ARHGAP28: variants seen among roughly 807,000 people sequenced by gnomAD.
ARHGAP28 encodes the protein Rho GTPase activating protein 28.
In ARHGAP28, 56 loss-of-function variants were observed where a neutral mutation model predicts 90.7. The observed-to-expected ratio is 0.62, with a 90% CI of 0.50 to 0.77. The LOEUF (loss-of-function observed/expected upper bound fraction) is 0.77. Among genes scored for constraint, ARHGAP28 ranks in the 30% least tolerant of loss-of-function variants. ARHGAP28 has a pLI of 0.00. For synonymous variants in ARHGAP28, 308 were observed against 323.3 expected, an observed-to-expected ratio of 0.95 and a Z score of 0.51; for missense variants, 869 against 900.9, an observed-to-expected ratio of 0.96 and a Z score of 0.45.
At chr18:6,851,420 G>A (rs568808195) in intron 4 of ARHGAP28, among the ~76,000 whole-genome samples, 1 of 152,260 alleles carries the variant, frequency 6.6e-6, no homozygotes, top group East Asian at 1.9e-4. Flanking sequence ...AACTTAAAAA[G>A]ACTGACAATA....
chr18:6,808,897 G>A (rs990178042), intron 1 of ARHGAP28, among the ~76,000 whole-genome samples: 1 of 152,202 alleles, frequency 6.6e-6, no homozygotes. Context: ...TTCAACTCAT[G>A]CAGCCCTGAT....
intron 5 of ARHGAP28, among the ~76,000 whole-genome samples, chr18:6,860,456 A>G (rs2056988668): frequency 6.6e-6 from 1 of 152,036 alleles, no homozygotes; most frequent in African/African-American, 2.4e-5. Context: ...GCGAATCCCC[A>G]TTCATTGTCT....
intron 1 of ARHGAP28, among the ~76,000 whole-genome samples, chr18:6,816,869 C>T (rs2056594478): frequency 6.6e-6 from 1 of 152,066 alleles, no homozygotes; most frequent in African/African-American, 2.4e-5. Context: ...AGGAGAGTCG[C>T]TTGAGCTCAG....
At chr18:6,798,039 A>G (rs2056454685) in intron 1 of ARHGAP28, among the ~76,000 whole-genome samples, 1 of 148,202 alleles carries the variant, frequency 6.7e-6, no homozygotes, top group Non-Finnish European at 1.5e-5. Context: ...TTATTTTAAT[A>G]AAATTCAGTT....
intron 1 of ARHGAP28, among the ~76,000 whole-genome samples, chr18:6,800,652 C>T (rs550940253): frequency 2.0e-5 from 3 of 152,054 alleles, no homozygotes; most frequent in South Asian, 2.1e-4. Context: ...AAGTGGGAGT[C>T]GAACAATAAG....
At chr18:6,761,614 A>C (rs532234651) in intron 1 of ARHGAP28, among the ~76,000 whole-genome samples, 27 of 152,186 alleles carry the variant, frequency 1.8e-4, no homozygotes, top group Non-Finnish European at 3.5e-4. Flanking sequence ...GATGAGGACC[A>C]AGGATCAGAA....
intron 1 of ARHGAP28, among the ~76,000 whole-genome samples, chr18:6,794,073 G>A (rs1010003452): frequency 4.6e-5 from 7 of 152,106 alleles, no homozygotes; most frequent in East Asian, 1.9e-4. Flanking sequence ...AGTGTATGGC[G>A]TGCAGTTCTA....
At chr18:6,748,989 A>T (rs1161681053) in intron 1 of ARHGAP28, among the ~76,000 whole-genome samples, 9 of 152,224 alleles carry the variant, frequency 5.9e-5, no homozygotes, top group African/African-American at 2.2e-4. Context: ...ATGTTTATGC[A>T]TGCAATATGT....
At chr18:6,774,454 A>G (rs1457118311) in intron 1 of ARHGAP28, among the ~76,000 whole-genome samples, 1 of 152,162 alleles carries the variant, frequency 6.6e-6, no homozygotes, top group East Asian at 1.9e-4. Context: ...TTGTCATGGT[A>G]TGGATATGGA....
At chr18:6,873,905 G>A (rs2057110513) in intron 9 of ARHGAP28, 130 bp downstream of exon 9, 3 of 793,150 alleles carry the variant, frequency 3.8e-6, no homozygotes, top group Non-Finnish European at 6.1e-6. Flanking sequence ...CAGGCCCCTG[G>A]TGATTTTCAG....
chr18:6,907,401 A>G (rs1454984612), intron 16 of ARHGAP28, among the ~76,000 whole-genome samples: 1 of 151,808 alleles, frequency 6.6e-6, no homozygotes, highest in Non-Finnish European at 1.5e-5. Context: ...CTGGAAAAAA[A>G]AAAAAAAAGC....
intron 15 of ARHGAP28, among the ~76,000 whole-genome samples, chr18:6,895,838 A>T (rs1251567014): frequency 6.6e-6 from 1 of 152,198 alleles, no homozygotes; most frequent in Non-Finnish European, 1.5e-5. Flanking sequence ...AAACCATAAC[A>T]TATTTATTCT....
chr18:6,894,962 T>C (rs185382913), intron 15 of ARHGAP28, 71 bp downstream of exon 15: 4 of 1,391,742 alleles, frequency 2.9e-6, no homozygotes, highest in Middle Eastern at 1.8e-4. Flanking sequence ...TCCACCACAT[T>C]TATGTATAAT....
intron 9 of ARHGAP28, among the ~76,000 whole-genome samples, chr18:6,875,282 T>C (rs1476334283): frequency 6.6e-6 from 1 of 152,248 alleles, no homozygotes; most frequent in East Asian, 1.9e-4. Flanking sequence ...AAGATAGTAC[T>C]CTCCCACTCC....
At chr18:6,902,613 G>C (rs927192773) in intron 16 of ARHGAP28, among the ~76,000 whole-genome samples, 3 of 152,078 alleles carry the variant, frequency 2.0e-5, no homozygotes, top group African/African-American at 7.2e-5. Flanking sequence ...ATAATAAATA[G>C]AACTATTACA....
chr18:6,729,886 C>T lies in ARHGAP28; in HGVS notation c.65C>T (p.Pro22Leu). Residue 22 changes from proline (P) to leucine (L), a missense_variant, in exon 1 of 18, where the codon CCC becomes CTC. Coordinates refer to ENST00000383472, the MANE Select transcript of ARHGAP28 (RefSeq NM_001366230.1). ...TAYHSYARAQ[P>L]PNAESRCAPR... ...TACCACTCGTACGCGCGCGCCCAGCCCCCCAACGCCGAGTCGCGCTGCGCG... is the reference window on the plus strand; with the variant it reads ...TACCACTCGTACGCGCGCGCCCAGCTCCCCAACGCCGAGTCGCGCTGCGCG... 5 of 1,428,204 alleles carry T rather than the reference C, an allele frequency of 3.5e-6. No homozygotes were observed. The highest frequency in any genetic ancestry group is 1.4e-5 in the South Asian group (1 of 70,322). 88.5% of individuals were successfully genotyped at this position (1,428,204 alleles called of 1,614,324 possible). A position where few individuals can be genotyped will look rare whatever the true frequency, so the allele number is the denominator to read the frequency against.
chr18:6,745,313 G>A (rs1229346971), intron 1 of ARHGAP28, among the ~76,000 whole-genome samples: 1 of 152,098 alleles, frequency 6.6e-6, no homozygotes, highest in African/African-American at 2.4e-5. Context: ...TTCCACCAAG[G>A]AACATTTCTT....
Position 6,837,411 on chromosome 18 carries a change from T to TC in ARHGAP28, c.542dup (p.Pro182SerfsTer3). The TC allele has an allele frequency of 6.2e-7, 1 of 1,601,432 alleles. No individual in the cohort carries two copies. The highest frequency in any genetic ancestry group is 8.5e-7 in the Non-Finnish European group (1 of 1,173,578). Reference sequence around the variant, plus strand: ...GAGACATTTTTGGAGTCAGTGAATCTCCTGTAAGTAATGGCTCAAACATGG... The same window carrying TC: ...GAGACATTTTTGGAGTCAGTGAATCTCCCTGTAAGTAATGGCTCAAACATGG... On this transcript the variant is annotated frameshift_variant, in exon 3 of 18. Transcript: ENST00000383472. LOFTEE classifies it high-confidence loss of function.
intron 1 of ARHGAP28, among the ~76,000 whole-genome samples, chr18:6,740,242 A>G (rs546334102): frequency 6.6e-6 from 1 of 152,268 alleles, no homozygotes; most frequent in South Asian, 2.1e-4. Context: ...ATTTTCAGTC[A>G]AGTTTTCACC....
Sources: allele counts gnomAD v4.1 joint callset (sites outside exome capture counted in the v4.1 genomes callset), GRCh38; gene constraint gnomAD v4.1.1; transcripts MANE v1.5; gene names NCBI Gene and HGNC (gene_info 2026-07-23, HGNC 2026-07-21).